Variants in NBEA observed in about 807,000 individuals in gnomAD.
NBEA encodes neurobeachin.
Under a neutral mutation model 343.4 loss-of-function variants are expected in NBEA, and 44 were observed. The ratio of observed to expected loss-of-function variants is 0.13; its 90% CI spans 0.10 to 0.16. The LOEUF (loss-of-function observed/expected upper bound fraction) is 0.16. NBEA is among the 10% of genes least tolerant of loss of function. The probability of loss-of-function intolerance (pLI) is 1.00; values close to 1 mark genes in which losing one functional copy is unlikely to be tolerated. For synonymous variants in NBEA, 1,175 were observed against 1,238.7 expected, an observed-to-expected ratio of 0.95 and a Z score of 1.08; for missense variants, 2,555 against 3,631.3, an observed-to-expected ratio of 0.70 and a Z score of 7.62.
chr13:35,129,207 T>G (rs947538592), intron 17 of NBEA, among the ~76,000 whole-genome samples: 1 of 151,976 alleles, frequency 6.6e-6, no homozygotes, highest in African/African-American at 2.4e-5. Context: ...ACTTAAAGTA[T>G]AATAAAAGAA....
At chr13:35,534,982 G>A (rs1171854619) in intron 41 of NBEA, among the ~76,000 whole-genome samples, 1 of 152,096 alleles carries the variant, frequency 6.6e-6, no homozygotes, top group Non-Finnish European at 1.5e-5. Context: ...AAACTCAGCA[G>A]AAGAGAAAAA....
intron 1 of NBEA, 55 bp downstream of exon 1, chr13:34,943,169 C>G (rs1593243329): frequency 9.4e-6 from 15 of 1,594,898 alleles, no homozygotes; most frequent in Non-Finnish European, 1.3e-5. Context: ...TACACCGTCC[C>G]CAGCGCCTTT....
intron 36 of NBEA, among the ~76,000 whole-genome samples, chr13:35,338,667 A>G (rs140191158): frequency 6.6e-6 from 1 of 152,222 alleles, no homozygotes; most frequent in East Asian, 1.9e-4. Context: ...TTGAAAAGTA[A>G]CAAACCGGTA....
intron 56 of NBEA, 116 bp from the exon 57 acceptor site, chr13:35,667,258 C>G (rs1188814661): frequency 1.2e-6 from 1 of 821,796 alleles, no homozygotes; most frequent in African/African-American, 1.7e-5. Context: ...CTACCTCTTT[C>G]CTGTCCTCTT....
In NBEA at chr13:35,476,139, G is replaced by C. The variant is rs767507682; in HGVS notation, c.6585+3603G>C. On this transcript the variant is annotated intron_variant, in intron 41 of 58. Transcript: ENST00000379939. ...CCAGCTTGGCCTGGGCCGCAATCAT[G>C]TTGGGGCAGAGATCCGGATTGTACA... 2.5e-6 allele frequency: 4 copies of C among 1,614,010 alleles called. No individual in the cohort carries two copies. In the Admixed American group the frequency reaches 6.7e-5, roughly 27 times the overall value.
intron 1 of NBEA, among the ~76,000 whole-genome samples, chr13:35,023,101 T>C (rs1489572474): frequency 1.3e-5 from 2 of 152,094 alleles, no homozygotes; most frequent in African/African-American, 2.4e-5. Flanking sequence ...AGAAAGGAGA[T>C]AATGAAGACA....
intron 33 of NBEA, among the ~76,000 whole-genome samples, chr13:35,231,706 T>C (rs1186170079): frequency 6.6e-6 from 1 of 152,068 alleles, no homozygotes; most frequent in Non-Finnish European, 1.5e-5. Context: ...TCATCTTCAT[T>C]TTGCAGACAT....
intron 41 of NBEA, among the ~76,000 whole-genome samples, chr13:35,532,920 G>A (rs1384909881): frequency 6.6e-6 from 1 of 151,876 alleles, no homozygotes; most frequent in South Asian, 2.1e-4. Flanking sequence ...AAATATTCAT[G>A]TGCATAGCTT....
At chr13:35,377,527 GA>G (rs764850331) in intron 38 of NBEA, among the ~76,000 whole-genome samples, 11 of 152,162 alleles carry the variant, frequency 7.2e-5, no homozygotes, top group Non-Finnish European at 1.6e-4. Context: ...TTTTACTGCT[GA>G]AACATGTCAT....
intron 38 of NBEA, among the ~76,000 whole-genome samples, chr13:35,402,263 A>G (rs961171850): frequency 6.6e-6 from 1 of 152,006 alleles, no homozygotes; most frequent in Non-Finnish European, 1.5e-5. Flanking sequence ...TTATACCTGA[A>G]TAGTAAAAAT....
intron 40 of NBEA, 135 bp from the exon 41 acceptor site, chr13:35,472,265 A>T: frequency 1.2e-6 from 1 of 855,034 alleles, no homozygotes; most frequent in Non-Finnish European, 1.7e-6. Context: ...TTACGTGAAA[A>T]AAGAGTTTGC....
intron 1 of NBEA, among the ~76,000 whole-genome samples, chr13:35,037,009 C>T (rs1210979331): frequency 6.6e-6 from 1 of 152,092 alleles, no homozygotes; most frequent in East Asian, 1.9e-4. Flanking sequence ...TGTTTCTTTA[C>T]CTCCTTTTAA....
chr13:35,509,399 G>A (rs1320191491), intron 41 of NBEA, among the ~76,000 whole-genome samples: 2 of 152,126 alleles, frequency 1.3e-5, no homozygotes, highest in East Asian at 3.9e-4. Flanking sequence ...GAGAGTGAGC[G>A]AGTGAGTGCT....
intron 17 of NBEA, among the ~76,000 whole-genome samples, chr13:35,130,648 A>C (rs2067368284): frequency 6.6e-6 from 1 of 151,964 alleles, no homozygotes; most frequent in African/African-American, 2.4e-5. Context: ...AAGATCAATT[A>C]CAAAAAATCT....
At chr13:35,312,795 A>G (rs2037456655) in intron 36 of NBEA, among the ~76,000 whole-genome samples, 1 of 152,222 alleles carries the variant, frequency 6.6e-6, no homozygotes, top group South Asian at 2.1e-4. Context: ...TGTCAGCTTT[A>G]GTAACTAATA....
chr13:35,335,970 T>C (rs1485838382), intron 36 of NBEA, among the ~76,000 whole-genome samples: 1 of 152,062 alleles, frequency 6.6e-6, no homozygotes, highest in African/African-American at 2.4e-5. Flanking sequence ...AATGCTAAGG[T>C]ACAGTTGAAA....
At chr13:34,978,152 T>G (rs1368050447) in intron 1 of NBEA, among the ~76,000 whole-genome samples, 2 of 152,198 alleles carry the variant, frequency 1.3e-5, no homozygotes, top group African/African-American at 4.8e-5. Context: ...ATGGGCATAT[T>G]CTAAGCAGTG....
At chr13:35,425,005 AT>A (rs1265200312) in intron 38 of NBEA, among the ~76,000 whole-genome samples, 10 of 152,064 alleles carry the variant, frequency 6.6e-5, no homozygotes, top group African/African-American at 1.9e-4. Flanking sequence ...ACCCTTTATC[AT>A]TTTTTATTGC....
chr13:35,189,053 G>A (rs962897908), intron 30 of NBEA, among the ~76,000 whole-genome samples: 3 of 151,498 alleles, frequency 2.0e-5, no homozygotes, highest in African/African-American at 7.3e-5. Context: ...TGAGTAGCTT[G>A]GATTACAGGC....
Sources: gnomAD v4.1 joint callset for allele counts (sites outside exome capture counted in the v4.1 genomes callset) on GRCh38, gnomAD v4.1.1 for gene constraint, MANE v1.5 for transcripts, NCBI Gene and HGNC (gene_info 2026-07-23, HGNC 2026-07-21) for gene names.